The following THSD7A variants were observed in gnomAD, a reference collection of about 807,000 sequenced individuals.
The protein encoded by THSD7A is thrombospondin type-1 domain-containing protein 7A.
THSD7A carries 96 observed loss-of-function variants against 231.3 expected under a neutral mutation model. The ratio of observed to expected loss-of-function variants is 0.41; its 90% CI spans 0.35 to 0.49. THSD7A has a LOEUF of 0.49. Ranked by LOEUF, THSD7A falls within the 20% of genes least tolerant of loss-of-function variation. The probability of loss-of-function intolerance (pLI) is 0.05; values close to 1 mark genes in which losing one functional copy is unlikely to be tolerated. For missense variants in THSD7A, 2,290 were observed against 2,070.2 expected, an observed-to-expected ratio of 1.11 and a Z score of -2.06; for synonymous variants, 940 against 743.3, an observed-to-expected ratio of 1.26 and a Z score of -4.30.
chr7:11,671,234 T>C (rs953376569), intron 1 of THSD7A, among the ~76,000 whole-genome samples: 2 of 152,180 alleles, frequency 1.3e-5, no homozygotes, highest in Admixed American at 6.6e-5. Flanking sequence ...GGAAACCTAA[T>C]GGCCAGCTCC....
chr7:11,449,376 T>G (rs1167707916), intron 11 of THSD7A, among the ~76,000 whole-genome samples: 1 of 152,038 alleles, frequency 6.6e-6, no homozygotes, highest in African/African-American at 2.4e-5. Context: ...GAATATGCAT[T>G]TTTTTCAAGA....
At chr7:11,475,423 T>C (rs1786119538) in intron 7 of THSD7A, among the ~76,000 whole-genome samples, 1 of 151,980 alleles carries the variant, frequency 6.6e-6, no homozygotes, top group East Asian at 1.9e-4. Context: ...CAGAAGACTG[T>C]CCACCGTGAA....
Position 11,555,785 on chromosome 7 carries a change from C to T in THSD7A, c.1454-12668G>A, listed in dbSNP as rs145841976. ...GCACAAACACATAGAATTCCTTTGC[C>T]TTCTTGGTGGATTGACTCTTTTGTC... On this transcript the variant is annotated intron_variant, in intron 4 of 27. Transcript: ENST00000423059. Among the ~76,000 whole-genome samples, 624 of 151,130 alleles carry T rather than the reference C, an allele frequency of 4.1e-3. 3 individuals are homozygous for T. The highest frequency in any genetic ancestry group is 7.0e-3 in the Non-Finnish European group (470 of 67,582).
intron 6 of THSD7A, among the ~76,000 whole-genome samples, chr7:11,504,173 G>C (rs758484585): frequency 6.6e-6 from 1 of 152,164 alleles, no homozygotes; most frequent in Non-Finnish European, 1.5e-5. Context: ...CACGGATGGA[G>C]CTGGAGGATA....
At chr7:11,615,162 C>A (rs1278654467) in intron 2 of THSD7A, among the ~76,000 whole-genome samples, 1 of 152,170 alleles carries the variant, frequency 6.6e-6, no homozygotes, top group Non-Finnish European at 1.5e-5. Flanking sequence ...GCCTAAGCTT[C>A]ATAAGGTGTA....
chr7:11,598,719 G>A (rs908620936), intron 2 of THSD7A, among the ~76,000 whole-genome samples: 2 of 152,142 alleles, frequency 1.3e-5, no homozygotes, highest in Non-Finnish European at 2.9e-5. Flanking sequence ...CAGAATTCAT[G>A]GGTCCAGGCA....
rs1319111070 is a variant in THSD7A at position 11,406,826 on chromosome 7, AAC to A, written c.4062+82_4062+83del. The A allele has an allele frequency of 2.7e-6, 4 of 1,474,380 alleles. No individual in the cohort carries two copies. The highest frequency in any genetic ancestry group is 3.7e-6 in the Non-Finnish European group (4 of 1,093,422). The allele number at this position is 1,474,380 out of a possible 1,614,324, so 91.3% of individuals were successfully genotyped here. On this transcript the variant is annotated intron_variant, in intron 21 of 27. Transcript: ENST00000423059. This position sits in a 1 kb window ranked among gnomAD's most constrained non-coding sequence, Gnocchi z 4.7. ...TCTGTGAGCTCTGAAACATATTTCT[AAC>A]ACATTATTTTTATGTTTTTCTGCAG...
intron 1 of THSD7A, among the ~76,000 whole-genome samples, chr7:11,798,377 A>G (rs1281456576): frequency 6.6e-6 from 1 of 152,066 alleles, no homozygotes; most frequent in African/African-American, 2.4e-5. Flanking sequence ...AGGCTGAGGC[A>G]GGAGAATTGC....
chr7:11,650,243 CT>C (rs1174186874), intron 1 of THSD7A, among the ~76,000 whole-genome samples: 2 of 151,928 alleles, frequency 1.3e-5, no homozygotes, highest in Non-Finnish European at 2.9e-5. Flanking sequence ...TTTTGTTCTA[CT>C]TTTTTTCAGG....
intron 1 of THSD7A, among the ~76,000 whole-genome samples, chr7:11,642,464 G>T (rs1421061568): frequency 6.6e-6 from 1 of 152,100 alleles, no homozygotes; most frequent in African/African-American, 2.4e-5. Flanking sequence ...GTAGGATGGT[G>T]TTTACTCAGT....
Position 11,636,318 on chromosome 7 carries a change from C to G in THSD7A, c.834G>C (p.Gly278=), listed in dbSNP as rs1200068725. The change falls in exon 2 of 28, where the codon GGG becomes GGC. Residue 278 remains glycine, a synonymous_variant. Transcript: ENST00000423059. The surrounding 1 kb of genome is among the most constrained non-coding windows in gnomAD (Gnocchi z 10.0). Reference sequence around the variant, plus strand: ...GGTCCTTTTCCCGTTCTTTATTCTTCCCGCGTCTCCTTGCTTGTCTTACTT... The same window carrying G: ...GGTCCTTTTCCCGTTCTTTATTCTTGCCGCGTCTCCTTGCTTGTCTTACTT... The part of the protein sequence containing the change: ...SRQVRQARRR[G]KNKEREKDRS... 3 of 1,613,932 alleles carry G rather than the reference C, an allele frequency of 1.9e-6. No individual in the cohort carries two copies. Among genetic ancestry groups the G allele is most frequent in the Non-Finnish European group, 2.5e-6 (3 of 1,179,880 alleles).
In THSD7A at chr7:11,595,547, T is replaced by G. The variant is rs187986659; in HGVS notation, c.1023-2045A>C. Among the ~76,000 whole-genome samples the G allele has an allele frequency of 1.2e-4, 19 of 152,296 alleles. No homozygotes were observed. In the East Asian group the frequency reaches 3.7e-3, roughly 29 times the overall value. ...CGAGCTGGAAATGCCTGATCTCCCC[T>G]GGTTTAATGTAGAGGAAGGGATCCA... On this transcript the variant is annotated intron_variant, in intron 2 of 27. Transcript: ENST00000423059.
Position 11,518,068 on chromosome 7 carries a change from C to T in THSD7A, c.1822+23351G>A, listed in dbSNP as rs574615267. On this transcript the variant is annotated intron_variant, in intron 6 of 27. Transcript: ENST00000423059. ...CTGCTTGCTGGATGGTTGACCCTGCCCACCTTATTTAACTTCTGAGAGCTG... is the reference window on the plus strand; with the variant it reads ...CTGCTTGCTGGATGGTTGACCCTGCTCACCTTATTTAACTTCTGAGAGCTG... Among the ~76,000 whole-genome samples, 21 of 152,240 alleles carry T rather than the reference C, an allele frequency of 1.4e-4. No individual in the cohort carries two copies. In the East Asian group the frequency reaches 3.7e-3, roughly 27 times the overall value.
At chr7:11,575,127 C>T (rs1790835130) in intron 4 of THSD7A, among the ~76,000 whole-genome samples, 1 of 152,180 alleles carries the variant, frequency 6.6e-6, no homozygotes, top group South Asian at 2.1e-4. Flanking sequence ...AATAGTGTCT[C>T]ACATATAGTA....
chr7:11,542,843 A>T, intron 5 of THSD7A, 119 bp downstream of exon 5: 1 of 1,105,074 alleles, frequency 9.0e-7, no homozygotes, highest in Non-Finnish European at 1.3e-6. Flanking sequence ...TGAAATTAAT[A>T]GTCTTTAGCC....
chr7:11,581,284 G>C (rs947645404), intron 4 of THSD7A, among the ~76,000 whole-genome samples: 1 of 151,972 alleles, frequency 6.6e-6, no homozygotes, highest in Non-Finnish European at 1.5e-5. Flanking sequence ...TCTTCATATT[G>C]TTAGAGATAT....
chr7:11,596,418 T>G (rs1780358806), intron 2 of THSD7A, among the ~76,000 whole-genome samples: 1 of 152,126 alleles, frequency 6.6e-6, no homozygotes, highest in Non-Finnish European at 1.5e-5. Flanking sequence ...GTCCAGTGGT[T>G]CCCGGGATTC....
chr7:11,561,985 G>A (rs1790096805), intron 4 of THSD7A, among the ~76,000 whole-genome samples: 2 of 152,202 alleles, frequency 1.3e-5, no homozygotes, highest in East Asian at 1.9e-4. Flanking sequence ...GTTAGTAGAA[G>A]ACATGTTCTT....
chr7:11,560,714 T>C (rs1352458001), intron 4 of THSD7A, among the ~76,000 whole-genome samples: 1 of 152,122 alleles, frequency 6.6e-6, no homozygotes, highest in Non-Finnish European at 1.5e-5. Flanking sequence ...CTGATATCCT[T>C]ACTGAGATGC....
Sources: allele counts gnomAD v4.1 joint callset (sites outside exome capture counted in the v4.1 genomes callset), GRCh38; gene constraint gnomAD v4.1.1; non-coding constraint Gnocchi (gnomAD v3.1); transcripts MANE v1.5; gene names NCBI Gene and HGNC (gene_info 2026-07-23, HGNC 2026-07-21).